The following LRP1B variants were observed in gnomAD, a reference collection of about 807,000 sequenced individuals.
The protein encoded by LRP1B is LDL receptor related protein 1B.
LRP1B carries 217 observed loss-of-function variants against 556.6 expected under a neutral mutation model. That is an observed-to-expected ratio of 0.39 (90% CI 0.35 to 0.44). LRP1B has a LOEUF of 0.44. Among genes scored for constraint, LRP1B ranks in the 20% least tolerant of loss-of-function variants. The pLI, the probability that LRP1B is intolerant of heterozygous loss-of-function variation, is 1.00. For missense variants in LRP1B, 5,053 were observed against 5,620.8 expected, an observed-to-expected ratio of 0.90 and a Z score of 3.23; for synonymous variants, 2,047 against 1,865.8, an observed-to-expected ratio of 1.10 and a Z score of -2.50.
At chr2:140,395,608 ATTG>A (rs1275118663) in intron 66 of LRP1B, among the ~76,000 whole-genome samples, 1 of 152,148 alleles carries the variant, frequency 6.6e-6, no homozygotes, top group African/African-American at 2.4e-5. Flanking sequence ...TTGTTTCTGA[ATTG>A]TTATTTTTCA....
Position 140,499,304 on chromosome 2 carries a change from AAGTAT to A in LRP1B, c.8850+2378_8850+2382del, listed in dbSNP as rs899957228. Among the ~76,000 whole-genome samples the A allele has an allele frequency of 1.1e-4, 16 of 152,036 alleles. 1 individual carries two copies. Among genetic ancestry groups the A allele is most frequent in the African/African-American group, 3.9e-4 (16 of 41,544 alleles). Reference sequence around the variant, plus strand: ...ACCTTATTTTTGATGTCATGTCACAAAGTATATAATTGATATTCTATAGGTTTTAT... The same window carrying A: ...ACCTTATTTTTGATGTCATGTCACAAATAATTGATATTCTATAGGTTTTAT... On this transcript the variant is annotated intron_variant, in intron 55 of 90. Transcript: ENST00000389484.
At chr2:141,488,161 C>T (rs753629188) in intron 2 of LRP1B, among the ~76,000 whole-genome samples, 1 of 142,562 alleles carries the variant, frequency 7.0e-6, no homozygotes, top group Non-Finnish European at 1.5e-5. Flanking sequence ...TCTCTTGAGG[C>T]CCAAGGACTT....
chr2:140,787,558 ATTTTTTTTTTTTT>A (rs756825067), intron 32 of LRP1B, among the ~76,000 whole-genome samples: 1 of 44,628 alleles, frequency 2.2e-5, no homozygotes, highest in African/African-American at 1.1e-4. Context: ...AAAACAGAAG[ATTTTTTTTTTTTT>A]TTTTTTTTTT....
intron 11 of LRP1B, among the ~76,000 whole-genome samples, chr2:141,027,427 T>C (rs1371949117): frequency 6.6e-6 from 1 of 152,082 alleles, no homozygotes; most frequent in Non-Finnish European, 1.5e-5. Flanking sequence ...TCTCATTTCT[T>C]ACTAAAATAC....
rs1479443768 is a variant in LRP1B, at chr2:141,188,582, A to G, written c.852T>C (p.Asn284=). Residue 284 remains asparagine, a splice_region_variant and synonymous_variant, in exon 7 of 91, where the codon AAT becomes AAC. Transcript: ENST00000389484. ...WTINILQSFH[N]VQQMAIDWLT... is the part of the protein sequence containing the mutation. ...GCCAGTCAATCGCCATTTGTTGCAC[A>G]TCTGAAAAACACATACACAAAATCA... 6.2e-7 allele frequency: 1 copy of G among 1,611,774 alleles called. No homozygotes were observed. Among genetic ancestry groups the G allele is most frequent in the Non-Finnish European group, 8.5e-7 (1 of 1,178,752 alleles).
At chr2:140,592,073 T>C (rs1682249653) in intron 43 of LRP1B, among the ~76,000 whole-genome samples, 1 of 152,202 alleles carries the variant, frequency 6.6e-6, no homozygotes, top group Non-Finnish European at 1.5e-5. Context: ...TCATTTAGTG[T>C]GTACTGGGAC....
chr2:141,474,046 TTC>T (rs1559091633), intron 3 of LRP1B, among the ~76,000 whole-genome samples: 48 of 34,746 alleles, frequency 1.4e-3, no homozygotes, highest in African/African-American at 6.4e-3. Flanking sequence ...CTTCCTTCCT[TTC>T]CTTCCTTCCT....
chr2:141,476,883 T>A (rs1313942626), intron 3 of LRP1B, among the ~76,000 whole-genome samples: 1 of 152,158 alleles, frequency 6.6e-6, no homozygotes, highest in Non-Finnish European at 1.5e-5. Flanking sequence ...AAGCACTTTG[T>A]GATGCTGAGG....
At chr2:141,776,649 G>T (rs1412379065) in intron 2 of LRP1B, among the ~76,000 whole-genome samples, 1 of 152,100 alleles carries the variant, frequency 6.6e-6, no homozygotes, top group Non-Finnish European at 1.5e-5. Flanking sequence ...TTTGAACTTT[G>T]GGCATCAGGA....
chr2:140,481,547 C>T (rs980416046), intron 59 of LRP1B, among the ~76,000 whole-genome samples: 2 of 149,848 alleles, frequency 1.3e-5, no homozygotes, highest in African/African-American at 4.9e-5. Flanking sequence ...AGTTTTCTAA[C>T]TCAAAAAATG....
intron 7 of LRP1B, among the ~76,000 whole-genome samples, chr2:141,162,241 GA>G (rs1272484225): frequency 6.6e-6 from 1 of 152,098 alleles, no homozygotes; most frequent in African/African-American, 2.4e-5. Context: ...AAAAGGTCTG[GA>G]TGTGTCATTG....
intron 3 of LRP1B, among the ~76,000 whole-genome samples, chr2:141,319,302 TTTTTGTTG>T (rs1424724128): frequency 3.3e-5 from 4 of 120,180 alleles, no homozygotes; most frequent in Admixed American, 1.7e-4. Context: ...AAGCAGTGTT[TTTTTGTTG>T]TTTTTTTTTT....
At chr2:140,242,341 C>T (rs1349985448) in intron 87 of LRP1B, among the ~76,000 whole-genome samples, 2 of 151,106 alleles carry the variant, frequency 1.3e-5, no homozygotes, top group African/African-American at 2.4e-5. Flanking sequence ...CTGCACTTTT[C>T]ACAATATAAT....
At chr2:140,653,506 A>G (rs1330861405) in intron 41 of LRP1B, among the ~76,000 whole-genome samples, 1 of 152,038 alleles carries the variant, frequency 6.6e-6, no homozygotes, top group Non-Finnish European at 1.5e-5. Context: ...AATTTATATG[A>G]TAATAACAAC....
At chr2:141,183,242 C>G (rs1222622933) in intron 7 of LRP1B, among the ~76,000 whole-genome samples, 7 of 151,994 alleles carry the variant, frequency 4.6e-5, no homozygotes, top group African/African-American at 1.7e-4. Context: ...AGCCACCTAA[C>G]AGAAGTAGAA....
At chr2:141,636,122 G>C (rs559900735) in intron 2 of LRP1B, among the ~76,000 whole-genome samples, 1 of 152,138 alleles carries the variant, frequency 6.6e-6, no homozygotes, top group East Asian at 1.9e-4. Flanking sequence ...AGATATGAAA[G>C]AAGAACCCTG....
intron 43 of LRP1B, among the ~76,000 whole-genome samples, chr2:140,590,481 TAAG>T (rs1407711876): frequency 1.3e-5 from 2 of 151,606 alleles, no homozygotes; most frequent in Non-Finnish European, 2.9e-5. Flanking sequence ...ACATGACCAT[TAAG>T]GAGATAATTA....
intron 2 of LRP1B, among the ~76,000 whole-genome samples, chr2:141,525,399 T>C (rs1019469967): frequency 6.6e-6 from 1 of 152,044 alleles, no homozygotes; most frequent in African/African-American, 2.4e-5. Flanking sequence ...TTGGGGTTTT[T>C]TTCATCCTTC....
chr2:141,011,254 A>C (rs74913526), intron 14 of LRP1B, among the ~76,000 whole-genome samples: 2,128 of 151,586 alleles, frequency 0.014, 70 homozygotes, highest in East Asian at 0.12. Context: ...TATAGGACAC[A>C]GATCATCTAC....
Sources: allele counts gnomAD v4.1 joint callset (sites outside exome capture counted in the v4.1 genomes callset), GRCh38; gene constraint gnomAD v4.1.1; transcripts MANE v1.5; gene names NCBI Gene and HGNC (gene_info 2026-07-23, HGNC 2026-07-21).